FZD1: variants seen among roughly 807,000 people sequenced by gnomAD.
FZD1 encodes frizzled class receptor 1, also known as frizzled-1.
Under a neutral mutation model 48.0 loss-of-function variants are expected in FZD1, and 22 were observed. The ratio of observed to expected loss-of-function variants is 0.46; its 90% CI spans 0.33 to 0.65. FZD1 has a LOEUF of 0.65. Ranked by LOEUF, FZD1 falls within the 30% of genes least tolerant of loss-of-function variation. The pLI is 0.02. For synonymous variants in FZD1, 486 were observed against 409.6 expected (o/e 1.19, Z -2.25); for missense variants, 843 against 898.1 (o/e 0.94, Z 0.78).
Position 91,270,282 on chromosome 7 carries a change from C to T in FZD1, c.*3458C>T, listed in dbSNP as rs1169828518. The stretch of plus-strand genomic sequence containing the variant: ...TAAGTAGTATGAAAGACTTCTGAAG[C>T]TCTTCTTTCTAAAAAAGCAGTTTTC... On this transcript the variant is annotated 3_prime_UTR_variant, in exon 1 of 1. Coordinates refer to ENST00000287934, the MANE Select transcript of FZD1 (RefSeq NM_003505.2). 6.0e-6 allele frequency: 1 copy of T among 166,962 alleles called. No individual in the cohort carries two copies. Among genetic ancestry groups the T allele is most frequent in the Non-Finnish European group, 1.5e-5 (1 of 68,114 alleles). The allele number at this position is 166,962 out of a possible 1,614,324, so 10.3% of individuals were successfully genotyped here. A position where few individuals can be genotyped will look rare whatever the true frequency, so the allele number is the denominator to read the frequency against.
In FZD1 at chr7:91,269,493, T is replaced by C. The variant is rs1436261472; in HGVS notation, c.*2669T>C. 1.2e-5 allele frequency: 2 copies of C among 166,994 alleles called. No individual in the cohort carries two copies. The highest frequency in any genetic ancestry group is 4.8e-5 in the African/African-American group (2 of 41,466). 10.3% of individuals were successfully genotyped at this position (166,994 alleles called of 1,614,324 possible). A position where few individuals can be genotyped will look rare whatever the true frequency, so the allele number is the denominator to read the frequency against. On this transcript the variant is annotated 3_prime_UTR_variant, in exon 1 of 1. Transcript: ENST00000287934. ...CAAATACCTTTACAGGTTAAAAATA[T>C]CTTTACTAAATTTTCCCATGAAAAC...
At position 91,266,897 on chromosome 7, in the gene FZD1, C is replaced by A; in HGVS notation, c.*73C>A. 1.0e-6 allele frequency: 1 copy of A among 976,906 alleles called. No homozygotes were observed. Among genetic ancestry groups the A allele is most frequent in the Non-Finnish European group, 1.6e-6 (1 of 642,476 alleles). The allele number at this position is 976,906 out of a possible 1,614,324, so 60.5% of individuals were successfully genotyped here. ...CCCCCAAAGCCAGCGCCGTGGAGTT[C>A]GTGCCAATCCTGACATCTCGAGGTT... is the stretch of plus-strand genomic sequence containing the variant. On this transcript the variant is annotated 3_prime_UTR_variant, in exon 1 of 1. Coordinates refer to ENST00000287934, the MANE Select transcript of FZD1 (RefSeq NM_003505.2). The surrounding 1 kb of genome is among the most constrained non-coding windows in gnomAD (Gnocchi z 6.8).
In FZD1 at chr7:91,267,027, G is replaced by A. The variant is rs753540120; in HGVS notation, c.*203G>A. On this transcript the variant is annotated 3_prime_UTR_variant, in exon 1 of 1. Coordinates refer to ENST00000287934, the MANE Select transcript of FZD1 (RefSeq NM_003505.2). The stretch of plus-strand genomic sequence containing the variant: ...GACACGAGGGCCCGACTGCCAGAGG[G>A]AGGATGGACAGACCTCTTGCCCTCA... 3 of 551,258 alleles carry A rather than the reference G, an allele frequency of 5.4e-6. No homozygotes were observed. The highest frequency in any genetic ancestry group is 1.9e-5 in the African/African-American group (1 of 53,030). The allele number at this position is 551,258 out of a possible 1,614,324, so 34.1% of individuals were successfully genotyped here. A position where few individuals can be genotyped will look rare whatever the true frequency, so the allele number is the denominator to read the frequency against.
At position 91,269,545 on chromosome 7, in the gene FZD1, A is replaced by G. The variant is rs1803937216; in HGVS notation, c.*2721A>G. 6.0e-6 allele frequency: 1 copy of G among 167,058 alleles called. No homozygotes were observed. The highest frequency in any genetic ancestry group is 2.4e-5 in the African/African-American group (1 of 41,468). The allele number at this position is 167,058 out of a possible 1,614,324, so 10.3% of individuals were successfully genotyped here. A position where few individuals can be genotyped will look rare whatever the true frequency, so the allele number is the denominator to read the frequency against. On this transcript the variant is annotated 3_prime_UTR_variant, in exon 1 of 1. Transcript: ENST00000287934. ...TTTTGTGATAAAATGACAAGGGACTAAAATGAAGATCATTGATACAATAGA... is the reference window on the plus strand; with the variant it reads ...TTTTGTGATAAAATGACAAGGGACTGAAATGAAGATCATTGATACAATAGA...
rs569072864 is a variant in FZD1 at position 91,269,903 on chromosome 7, A to G, written c.*3079A>G. 30 of 167,220 alleles carry G rather than the reference A, an allele frequency of 1.8e-4. No individual in the cohort carries two copies. Among genetic ancestry groups the G allele is most frequent in the African/African-American group, 6.7e-4 (28 of 41,588 alleles). 10.4% of individuals were successfully genotyped at this position (167,220 alleles called of 1,614,324 possible). A position where few individuals can be genotyped will look rare whatever the true frequency, so the allele number is the denominator to read the frequency against. On this transcript the variant is annotated 3_prime_UTR_variant, in exon 1 of 1. Coordinates refer to ENST00000287934, the MANE Select transcript of FZD1 (RefSeq NM_003505.2). ...CAGTCTTATTGGAGGTGTCCTTAAC[A>G]TGATGTAACTATAAATTTGATGCAG...
At position 91,264,800 on chromosome 7, in the gene FZD1, C is replaced by A. The variant is rs1461780580; in HGVS notation, c.-81C>A. ...ACGGAGGGCACCCGCGCAGAGGTCTCCCTGGCCGCAGGGGGAGCCGCCGCC... is the reference window on the plus strand; with the variant it reads ...ACGGAGGGCACCCGCGCAGAGGTCTACCTGGCCGCAGGGGGAGCCGCCGCC... On this transcript the variant is annotated 5_prime_UTR_variant, in exon 1 of 1. Coordinates refer to ENST00000287934, the MANE Select transcript of FZD1 (RefSeq NM_003505.2). 1 of 1,000,510 alleles carries A rather than the reference C, an allele frequency of 1.0e-6. No individual in the cohort carries two copies. The highest frequency in any genetic ancestry group is 1.3e-6 in the Non-Finnish European group (1 of 768,222). The allele number at this position is 1,000,510 out of a possible 1,614,324, so 62.0% of individuals were successfully genotyped here.
In FZD1 at chr7:91,270,637, C is replaced by G. The variant is rs948628504; in HGVS notation, c.*3813C>G. ...ACTGTCCCTGATAGCATGTTTCAAC[C>G]TTGGTATACATTTTTTTTAAGATGC... On this transcript the variant is annotated 3_prime_UTR_variant, in exon 1 of 1. Transcript: ENST00000287934. 2.4e-5 allele frequency: 4 copies of G among 166,816 alleles called. No homozygotes were observed. The highest frequency in any genetic ancestry group is 9.7e-5 in the African/African-American group (4 of 41,438). 10.3% of individuals were successfully genotyped at this position (166,816 alleles called of 1,614,324 possible).
rs561427027 is a variant in FZD1 at position 91,264,515 on chromosome 7, G to A, written c.-366G>A. ...GTCAGGCGGCGGCGGCGGAGAAGGA[G>A]GCGGAGGCGCAGGGGGGAGCCGAGC... On this transcript the variant is annotated 5_prime_UTR_variant, in exon 1 of 1. Transcript: ENST00000287934. 6.2e-6 allele frequency: 2 copies of A among 320,680 alleles called. No individual in the cohort carries two copies. Among genetic ancestry groups the A allele is most frequent in the Admixed American group, 9.9e-5 (2 of 20,172 alleles). 19.9% of individuals were successfully genotyped at this position (320,680 alleles called of 1,614,324 possible).
rs904538885 is a variant in FZD1, at chr7:91,264,723, G to A, written c.-158G>A. Reference sequence around the variant, plus strand: ...GCAAGTTTCCGCGGCGGCGGCGGCTGCGGTACGCAGAACAGGAGCCGGGGG... The same window carrying A: ...GCAAGTTTCCGCGGCGGCGGCGGCTACGGTACGCAGAACAGGAGCCGGGGG... On this transcript the variant is annotated 5_prime_UTR_variant, in exon 1 of 1. Coordinates refer to ENST00000287934, the MANE Select transcript of FZD1 (RefSeq NM_003505.2). 4 of 441,044 alleles carry A rather than the reference G, an allele frequency of 9.1e-6. No individual in the cohort carries two copies. Among genetic ancestry groups the A allele is most frequent in the Admixed American group, 4.4e-5 (1 of 22,576 alleles). 27.3% of individuals were successfully genotyped at this position (441,044 alleles called of 1,614,324 possible). A position where few individuals can be genotyped will look rare whatever the true frequency, so the allele number is the denominator to read the frequency against.
At position 91,271,319 on chromosome 7, in the gene FZD1, T is replaced by C. The variant is rs1340052119; in HGVS notation, c.*4495T>C. 6.0e-6 allele frequency: 1 copy of C among 166,892 alleles called. No individual in the cohort carries two copies. Among genetic ancestry groups the C allele is most frequent in the Non-Finnish European group, 1.5e-5 (1 of 68,094 alleles). 10.3% of individuals were successfully genotyped at this position (166,892 alleles called of 1,614,324 possible). ...AACCTGGAAATTAAAACACAATTTC[T>C]AGAGTAATTTTTCTAAGTTGTATCA... is the stretch of plus-strand genomic sequence containing the variant. On this transcript the variant is annotated 3_prime_UTR_variant, in exon 1 of 1. Coordinates refer to ENST00000287934, the MANE Select transcript of FZD1 (RefSeq NM_003505.2).
Position 91,265,352 on chromosome 7 carries a change from A to G in FZD1, c.472A>G (p.Lys158Glu). 1 of 1,614,072 alleles carries G rather than the reference A, an allele frequency of 6.2e-7. No individual in the cohort carries two copies. Among genetic ancestry groups the G allele is most frequent in the Non-Finnish European group, 8.5e-7 (1 of 1,179,956 alleles). ...LEVHQFYPLV[K>E]VQCSAELKFF... ...GGTGCACCAGTTCTACCCTCTAGTG[A>G]AAGTGCAGTGTTCCGCTGAGCTCAA... Residue 158 changes from lysine to glutamate, a missense_variant, in exon 1 of 1, where the codon AAA becomes GAA. By Grantham distance (56) the Lys-to-Glu change is moderately conservative (BLOSUM62 1). Coordinates refer to ENST00000287934, the MANE Select transcript of FZD1 (RefSeq NM_003505.2). The surrounding 1 kb of genome is among the most constrained non-coding windows in gnomAD (Gnocchi z 6.9).
Position 91,265,005 on chromosome 7 carries a change from G to C in FZD1, c.125G>C (p.Arg42Pro). ...EEGSGDAGGR[R>P]RPPVDPRRLA... is the part of the protein sequence containing the mutation. ...GGCAGCGGGGACGCCGGTGGCCGCC[G>C]CCGCCCGCCAGTTGACCCCCGGCGA... The change falls in exon 1 of 1, where the codon CGC (arginine) becomes CCC (proline). Residue 42 changes from arginine (R) to proline (P), a missense_variant. Physicochemically the swap from Arg to Pro is moderately radical, Grantham distance 103. This residue lies in a region of FZD1 where 490 missense variants were observed against 466.5 expected (regional missense o/e 1.05). Transcript: ENST00000287934. The surrounding 1 kb of genome is among the most constrained non-coding windows in gnomAD (Gnocchi z 6.9). 7.2e-7 allele frequency: 1 copy of C among 1,395,056 alleles called. No individual in the cohort carries two copies. Among genetic ancestry groups the C allele is most frequent in the Non-Finnish European group, 9.3e-7 (1 of 1,074,752 alleles). 86.4% of individuals were successfully genotyped at this position (1,395,056 alleles called of 1,614,324 possible).
chr7:91,266,227 G>A lies in FZD1; in HGVS notation c.1347G>A (p.Leu449=), dbSNP rs769585372. 1.2e-6 allele frequency: 2 copies of A among 1,614,140 alleles called. No homozygotes were observed. Among genetic ancestry groups the A allele is most frequent in the Non-Finnish European group, 8.5e-7 (1 of 1,180,016 alleles). ...AIEANSQYFH[L]AAWAVPAIKT... Reference sequence around the variant, plus strand: ...AAGCCAACTCACAGTATTTTCACCTGGCCGCCTGGGCTGTGCCGGCCATCA... The same window carrying A: ...AAGCCAACTCACAGTATTTTCACCTAGCCGCCTGGGCTGTGCCGGCCATCA... The change falls in exon 1 of 1, where the codon CTG becomes CTA. Residue 449 remains leucine, a synonymous_variant. Coordinates refer to ENST00000287934, the MANE Select transcript of FZD1 (RefSeq NM_003505.2). This position sits in a 1 kb window ranked among gnomAD's most constrained non-coding sequence, Gnocchi z 6.8.
rs1394981919 is a variant in FZD1 at position 91,270,375 on chromosome 7, C to A, written c.*3551C>A. The A allele has an allele frequency of 6.0e-6, 1 of 167,004 alleles. No individual in the cohort carries two copies. Among genetic ancestry groups the A allele is most frequent in the African/African-American group, 2.4e-5 (1 of 41,430 alleles). The allele number at this position is 167,004 out of a possible 1,614,324, so 10.3% of individuals were successfully genotyped here. On this transcript the variant is annotated 3_prime_UTR_variant, in exon 1 of 1. Coordinates refer to ENST00000287934, the MANE Select transcript of FZD1 (RefSeq NM_003505.2). Reference sequence around the variant, plus strand: ...AGAGCCAGCCAGTGTCAAACACGTGCAAAAGAGCCGGGCCGGATTTTTTCA... The same window carrying A: ...AGAGCCAGCCAGTGTCAAACACGTGAAAAAGAGCCGGGCCGGATTTTTTCA...
rs751373109 is a variant in FZD1 at position 91,265,585 on chromosome 7, G to A, written c.705G>A (p.Lys235=). 6 of 1,609,244 alleles carry A rather than the reference G, an allele frequency of 3.7e-6. No homozygotes were observed. Among genetic ancestry groups the A allele is most frequent in the African/African-American group, 1.3e-5 (1 of 74,886 alleles). ...GCGTGGGCCAGAACACGTCCGACAA[G>A]GGCACCCCGACGCCCTCGCTGCTTC... ...ELCVGQNTSD[K]GTPTPSLLPE... is the part of the protein sequence containing the mutation. Residue 235 remains lysine, a synonymous_variant, in exon 1 of 1, where the codon AAG becomes AAA. Coordinates refer to ENST00000287934, the MANE Select transcript of FZD1 (RefSeq NM_003505.2). This position sits in a 1 kb window ranked among gnomAD's most constrained non-coding sequence, Gnocchi z 6.9.
Position 91,266,875 on chromosome 7 carries a change from C to T in FZD1, c.*51C>T. The T allele has an allele frequency of 2.4e-6, 3 of 1,228,136 alleles. No homozygotes were observed. The highest frequency in any genetic ancestry group is 2.9e-5 in the South Asian group (2 of 69,856). The allele number at this position is 1,228,136 out of a possible 1,614,324, so 76.1% of individuals were successfully genotyped here. A position where few individuals can be genotyped will look rare whatever the true frequency, so the allele number is the denominator to read the frequency against. ...GCCTCGGCCGGGGCGCAGCGATCCCCCAAAGCCAGCGCCGTGGAGTTCGTG... is the reference window on the plus strand; with the variant it reads ...GCCTCGGCCGGGGCGCAGCGATCCCTCAAAGCCAGCGCCGTGGAGTTCGTG... On this transcript the variant is annotated 3_prime_UTR_variant, in exon 1 of 1. Coordinates refer to ENST00000287934, the MANE Select transcript of FZD1 (RefSeq NM_003505.2). The surrounding 1 kb of genome is among the most constrained non-coding windows in gnomAD (Gnocchi z 6.8).
In FZD1 at chr7:91,266,682, C is replaced by T. The variant is rs766297031; in HGVS notation, c.1802C>T (p.Thr601Met). The change falls in exon 1 of 1, where the codon ACG becomes ATG. Residue 601 changes from threonine (T) to methionine (M), a missense_variant. Thr to Met is a moderately conservative substitution (Grantham distance 81). This residue lies in a region of FZD1 where 353 missense variants were observed against 431.6 expected (regional missense o/e 0.82). Coordinates refer to ENST00000287934, the MANE Select transcript of FZD1 (RefSeq NM_003505.2). This position sits in a 1 kb window ranked among gnomAD's most constrained non-coding sequence, Gnocchi z 6.8. Reference sequence around the variant, plus strand: ...CACCCGCCCATGAGCCCGGACTTCACGGTCTTCATGATTAAGTACCTTATG... The same window carrying T: ...CACCCGCCCATGAGCCCGGACTTCATGGTCTTCATGATTAAGTACCTTATG... ...PPHPPMSPDF[T>M]VFMIKYLMTL... is the part of the protein sequence containing the mutation. 8.7e-6 allele frequency: 14 copies of T among 1,612,512 alleles called. No homozygotes were observed. In the Admixed American group the frequency reaches 1.2e-4, roughly 13 times the overall value.
Position 91,266,244 on chromosome 7 carries a change from C to G in FZD1, c.1364C>G (p.Pro455Arg). 1.2e-6 allele frequency: 2 copies of G among 1,614,152 alleles called. No individual in the cohort carries two copies. Among genetic ancestry groups the G allele is most frequent in the Non-Finnish European group, 1.7e-6 (2 of 1,180,026 alleles). The change falls in exon 1 of 1, where the codon CCG becomes CGG. Residue 455 changes from proline to arginine, a missense_variant. By Grantham distance (103) the Pro-to-Arg change is moderately radical (BLOSUM62 -2). Coordinates refer to ENST00000287934, the MANE Select transcript of FZD1 (RefSeq NM_003505.2). This position sits in a 1 kb window ranked among gnomAD's most constrained non-coding sequence, Gnocchi z 6.8. ...TTTCACCTGGCCGCCTGGGCTGTGC[C>G]GGCCATCAAGACCATCACCATCCTG... ...QYFHLAAWAV[P>R]AIKTITILAL...
In FZD1 at chr7:91,266,540, TGCTACTTCTACGAGCAG is replaced by T; in HGVS notation, c.1663_1679del (p.Tyr555LeufsTer46). ...TGTGCCAGCCACCATCGTCATCGCCTGCTACTTCTACGAGCAGGCCTTCCGGGACCAGTGGGAACGCA... is the reference window on the plus strand; with the variant it reads ...TGTGCCAGCCACCATCGTCATCGCCTGCCTTCCGGGACCAGTGGGAACGCA... On this transcript the variant is annotated frameshift_variant, in exon 1 of 1. Coordinates refer to ENST00000287934, the MANE Select transcript of FZD1 (RefSeq NM_003505.2). LOFTEE classifies it high-confidence loss of function. The surrounding 1 kb of genome is among the most constrained non-coding windows in gnomAD (Gnocchi z 6.8). The T allele has an allele frequency of 6.2e-7, 1 of 1,614,020 alleles. No individual in the cohort carries two copies. Among genetic ancestry groups the T allele is most frequent in the Non-Finnish European group, 8.5e-7 (1 of 1,180,034 alleles).
Sources: allele counts gnomAD v4.1 joint callset, GRCh38; gene constraint gnomAD v4.1.1; regional missense constraint gnomAD v4.1.1; non-coding constraint Gnocchi (gnomAD v3.1); transcripts MANE v1.5; gene names NCBI Gene and HGNC (gene_info 2026-07-23, HGNC 2026-07-21).